Variants in EML2 observed in about 807,000 individuals in gnomAD.
EML2 encodes the protein EMAP like 2, also known as echinoderm microtubule-associated protein-like 2.
In EML2, 59 loss-of-function variants were observed where a neutral mutation model predicts 84.7. The observed-to-expected ratio is 0.70, with a 90% CI of 0.56 to 0.86. EML2 has a LOEUF of 0.86. Ranked by LOEUF, EML2 falls within the 40% of genes least tolerant of loss-of-function variation. The probability of loss-of-function intolerance (pLI) is 0.00; values close to 1 mark genes in which losing one functional copy is unlikely to be tolerated. For synonymous variants in EML2, 352 were observed against 348.9 expected, an observed-to-expected ratio of 1.01 and a Z score of -0.10; for missense variants, 818 against 855.6, an observed-to-expected ratio of 0.96 and a Z score of 0.55.
At chr19:45,642,634 AC>A, upstream of EML2, 2 of 856,744 alleles carry the variant, frequency 2.3e-6, no homozygotes, top group Non-Finnish European at 3.1e-6. Context: ...GAGTCTGTGA[AC>A]CCAGGAGCCT....
At position 45,621,637 on chromosome 19, in the gene EML2, C is replaced by A; in HGVS notation, c.842G>T (p.Gly281Val). ...CACCGCCTGTGTGATACGGTTCCCACCTGCAGGGTGGCCAGGGGCAGGGTC... is the reference window on the plus strand; with the variant it reads ...CACCGCCTGTGTGATACGGTTCCCAACTGCAGGGTGGCCAGGGGCAGGGTC... ...SGGNLYVWGK[G>V]GNRITQAVLG... The change falls in exon 10 of 19, where the codon GGT becomes GTT. Residue 281 changes from glycine to valine, a missense_variant and splice_region_variant. By Grantham distance (109) the Gly-to-Val change is moderately radical. Transcript: ENST00000245925. 1 of 1,606,706 alleles carries A rather than the reference C, an allele frequency of 6.2e-7. No individual in the cohort carries two copies. The highest frequency in any genetic ancestry group is 8.5e-7 in the Non-Finnish European group (1 of 1,179,414).
At chr19:45,639,145 C>T (rs972218730) in intron 1 of EML2, 3 of 662,812 alleles carry the variant, frequency 4.5e-6, no homozygotes, top group Non-Finnish European at 7.8e-6. Flanking sequence ...CACCAAGGAC[C>T]CTTCCCTCCT....
At chr19:45,616,104 A>T (rs1008960101) in intron 15 of EML2, 2 of 583,944 alleles carry the variant, frequency 3.4e-6, no homozygotes, top group African/African-American at 1.9e-5. Context: ...GACAAAAAGC[A>T]CTTAGAACAC....
chr19:45,618,964 G>A (rs771370503), intron 12 of EML2, 96 bp downstream of exon 12: 21 of 1,185,226 alleles, frequency 1.8e-5, no homozygotes, highest in Admixed American at 1.5e-4. Context: ...AAAAAAAAAA[G>A]ACCTTGTTTG....
intron 18 of EML2, among the ~76,000 whole-genome samples, chr19:45,610,559 C>G (rs1334183776): frequency 6.6e-6 from 1 of 151,632 alleles, no homozygotes; most frequent in East Asian, 1.9e-4. Context: ...AAAATTAGGC[C>G]TGGCGTGGTG....
chr19:45,639,273 G>T, intron 1 of EML2, 84 bp downstream of exon 1: 1 of 1,279,372 alleles, frequency 7.8e-7, no homozygotes, highest in Non-Finnish European at 1.0e-6. Context: ...CGCCGGTCTG[G>T]GTCCCAGGGG....
chr19:45,643,759 A>G (rs1974810836), upstream of EML2: 1 of 1,504,304 alleles, frequency 6.6e-7, no homozygotes, highest in South Asian at 1.3e-5. Context: ...TTCCCTTCGT[A>G]GCCCAATCGC....
intron 17 of EML2, among the ~76,000 whole-genome samples, chr19:45,614,242 C>A (rs954114773): frequency 2.0e-5 from 3 of 152,180 alleles, no homozygotes; most frequent in African/African-American, 7.2e-5. Context: ...TCTGCCTCCC[C>A]CACTGGACTG....
intron 9 of EML2, among the ~76,000 whole-genome samples, chr19:45,623,777 C>T (rs947457560): frequency 6.6e-6 from 1 of 152,156 alleles, no homozygotes; most frequent in Non-Finnish European, 1.5e-5. Flanking sequence ...TCTTAAACTC[C>T]TGACCTCATG....
At chr19:45,621,371 C>T (rs1443840968) in intron 10 of EML2, 39 bp from the exon 11 acceptor site, 1 of 1,580,050 alleles carries the variant, frequency 6.3e-7, no homozygotes, top group African/African-American at 1.3e-5. Flanking sequence ...GTAGGATGCA[C>T]ACGGGTGGGT....
chr19:45,639,535 G>A (rs944094579), upstream of EML2: 19 of 641,902 alleles, frequency 3.0e-5, no homozygotes, highest in African/African-American at 2.3e-4. Flanking sequence ...CCGGGCTGTG[G>A]ACTCCCGATC....
At chr19:45,642,993 A>AG (rs1194714958), upstream of EML2, among the ~76,000 whole-genome samples, 1 of 150,968 alleles carries the variant, frequency 6.6e-6, no homozygotes, top group Non-Finnish European at 1.5e-5. Context: ...TCAAAAAAAA[A>AG]AAAAAGAAAA....
At chr19:45,609,889 T>A in intron 18 of EML2, 101 bp from the exon 19 acceptor site, 6 of 865,550 alleles carry the variant, frequency 6.9e-6, no homozygotes, top group Non-Finnish European at 9.1e-6. Context: ...CTCTTCCTCT[T>A]TTTTTTTTTT....
chr19:45,621,268 C>A lies in EML2; in HGVS notation c.1061G>T (p.Gly354Val), dbSNP rs1568448818. Reference sequence around the variant, plus strand: ...CTGCAGGATGGAATTGCGGGTGGTCCCCACGTACAGTGTGTCTCCGTGGCC... The same window carrying A: ...CTGCAGGATGGAATTGCGGGTGGTCACCACGTACAGTGTGTCTCCGTGGCC... ...AEGHGDTLYV[G>V]TTRNSILQGS... is the part of the protein sequence containing the mutation. Residue 354 changes from glycine (G) to valine (V), a missense_variant, in exon 11 of 19, where the codon GGG (glycine) becomes GTG (valine). By Grantham distance (109) the Gly-to-Val change is moderately radical. Coordinates refer to ENST00000245925, the MANE Select transcript of EML2 (RefSeq NM_012155.4). 1 of 1,613,934 alleles carries A rather than the reference C, an allele frequency of 6.2e-7. No homozygotes were observed.
intron 4 of EML2, among the ~76,000 whole-genome samples, chr19:45,633,757 A>G (rs2122764393): frequency 6.6e-6 from 1 of 152,190 alleles, no homozygotes; most frequent in African/African-American, 2.4e-5. Context: ...AAAAAGAAAA[A>G]AAAAGGAGAT....
In EML2 at chr19:45,621,613, A is replaced by G. The variant is rs370751996; in HGVS notation, c.866T>C (p.Val289Ala). Residue 289 changes from valine (V) to alanine (A), a missense_variant, in exon 10 of 19, where the codon GTG becomes GCG. By Grantham distance (64) the Val-to-Ala change is moderately conservative. Coordinates refer to ENST00000245925, the MANE Select transcript of EML2 (RefSeq NM_012155.4). ...GKGGNRITQAVLGAHDGGVFG... is the reference protein window; with the variant it reads ...GKGGNRITQAALGAHDGGVFG... The stretch of plus-strand genomic sequence containing the variant: ...CACGCCGCCGTCGTGGGCGCCCAGC[A>G]CCGCCTGTGTGATACGGTTCCCACC... The G allele has an allele frequency of 5.8e-5, 94 of 1,608,914 alleles. 1 individual carries two copies. The African/African-American group carries it at 1.1e-3, about 19-fold the overall frequency.
At position 45,635,491 on chromosome 19, in the gene EML2, G is replaced by A. The variant is rs566954419; in HGVS notation, c.180-1020C>T. Among the ~76,000 whole-genome samples the A allele has an allele frequency of 4.6e-5, 7 of 151,216 alleles. No homozygotes were observed. In the South Asian group the frequency reaches 1.5e-3, roughly 32 times the overall value. On this transcript the variant is annotated intron_variant, in intron 3 of 18. Transcript: ENST00000245925. ...CTGGCTGAGGACCAGACTCAACAAG[G>A]TCATTGGAATGAGGTTTTTCTGTTT... is the stretch of plus-strand genomic sequence containing the variant.
intron 17 of EML2, 139 bp downstream of exon 17, chr19:45,614,466 T>C (rs996760204): frequency 1.1e-4 from 84 of 738,468 alleles, no homozygotes; most frequent in Non-Finnish European, 1.9e-4. Flanking sequence ...CCCTTTCCTC[T>C]TACACAAATA....
intron 16 of EML2, chr19:45,615,038 T>C (rs1460310249): frequency 4.3e-6 from 1 of 232,684 alleles, no homozygotes; most frequent in Admixed American, 5.3e-5. Flanking sequence ...CCATCTCTAC[T>C]AAAAATACAA....
Sources: gnomAD v4.1 joint callset for allele counts (sites outside exome capture counted in the v4.1 genomes callset) on GRCh38, gnomAD v4.1.1 for gene constraint, MANE v1.5 for transcripts, NCBI Gene and HGNC (gene_info 2026-07-23, HGNC 2026-07-21) for gene names.